Variants in SCARA5 observed in about 807,000 individuals in gnomAD.
SCARA5 encodes scavenger receptor class A member 5, also known as scavenger receptor class A, member 5 (putative).
Under a neutral mutation model 46.3 loss-of-function variants are expected in SCARA5, and 45 were observed. That is an observed-to-expected ratio of 0.97 (90% CI 0.76 to 1.24). The LOEUF (loss-of-function observed/expected upper bound fraction) is 1.24. Among genes scored for constraint, SCARA5 ranks in the 50% most tolerant of loss-of-function variants. SCARA5 has a pLI of 0.00. For synonymous variants in SCARA5, 333 were observed against 306.5 expected, an observed-to-expected ratio of 1.09 and a Z score of -0.90; for missense variants, 680 against 689.0, an observed-to-expected ratio of 0.99 and a Z score of 0.15.
At chr8:27,989,639 G>A (rs1172560581) in intron 1 of SCARA5, among the ~76,000 whole-genome samples, 2 of 152,196 alleles carry the variant, frequency 1.3e-5, no homozygotes, top group African/African-American at 2.4e-5. Flanking sequence ...CAGTATCTGC[G>A]GGCCTCTCCT....
Position 27,922,034 on chromosome 8 carries a change from G to C in SCARA5, c.453C>G (p.Gly151=), listed in dbSNP as rs181229251. 6.4e-7 allele frequency: 1 copy of C among 1,572,604 alleles called. No homozygotes were observed. Among genetic ancestry groups the C allele is most frequent in the Non-Finnish European group, 8.6e-7 (1 of 1,165,654 alleles). The part of the protein sequence containing the change: ...ALAGAVQRLE[G]ALWGLQAQAV... ...CCTGCGCCTGCAGCCCCCACAGCGC[G>C]CCCTCCAGCCGCTGCACTGCGCCCG... Residue 151 remains glycine (G), a synonymous_variant, in exon 4 of 9, where the codon GGC becomes GGG. Coordinates refer to ENST00000354914, the MANE Select transcript of SCARA5 (RefSeq NM_173833.6).
chr8:27,955,100 T>G (rs1433242126), intron 3 of SCARA5, among the ~76,000 whole-genome samples: 1 of 152,140 alleles, frequency 6.6e-6, no homozygotes, highest in Non-Finnish European at 1.5e-5. Flanking sequence ...CTGACACCAT[T>G]GTCACTGCCC....
At chr8:27,878,654 A>C (rs1481644614) in intron 8 of SCARA5, among the ~76,000 whole-genome samples, 1 of 152,260 alleles carries the variant, frequency 6.6e-6, no homozygotes, top group Admixed American at 6.5e-5. Flanking sequence ...AGACTCAGAG[A>C]GGCAGAGACA....
intron 8 of SCARA5, among the ~76,000 whole-genome samples, chr8:27,873,008 C>T (rs944441234): frequency 1.3e-5 from 2 of 152,220 alleles, no homozygotes; most frequent in Non-Finnish European, 2.9e-5. Context: ...TGCCAGCAAA[C>T]TCTCTCTGCT....
At chr8:27,950,879 G>GAAAA (rs766482225) in intron 3 of SCARA5, among the ~76,000 whole-genome samples, 1 of 140,998 alleles carries the variant, frequency 7.1e-6, no homozygotes, top group Non-Finnish European at 1.5e-5. Flanking sequence ...AGCTTTATGG[G>GAAAA]AAAAAAAAAA....
At chr8:27,892,606 CTT>C (rs1230257718) in intron 7 of SCARA5, among the ~76,000 whole-genome samples, 14 of 127,026 alleles carry the variant, frequency 1.1e-4, no homozygotes, top group African/African-American at 2.6e-4. Context: ...ATACCTCACC[CTT>C]TTTTTTTTTT....
intron 3 of SCARA5, among the ~76,000 whole-genome samples, chr8:27,929,176 G>A (rs932977151): frequency 2.0e-5 from 3 of 152,058 alleles, no homozygotes; most frequent in Admixed American, 6.6e-5. Context: ...TGCAGGCCCC[G>A]GCCTGAGCTA....
rs557941266 is a variant in SCARA5 at position 27,992,090 on chromosome 8, G to A, written c.-16+167C>T. On this transcript the variant is annotated intron_variant, in intron 1 of 8. Coordinates refer to ENST00000354914, the MANE Select transcript of SCARA5 (RefSeq NM_173833.6). Reference sequence around the variant, plus strand: ...GGATGAGGGCCCGGCAGATATCTGCGGGCCCAGCAGGCGGGGACCTTCCCA... The same window carrying A: ...GGATGAGGGCCCGGCAGATATCTGCAGGCCCAGCAGGCGGGGACCTTCCCA... Among the ~76,000 whole-genome samples the A allele has an allele frequency of 8.5e-5, 13 of 152,204 alleles. No individual in the cohort carries two copies. The East Asian group carries it at 1.5e-3, about 18-fold the overall frequency.
chr8:27,981,970 C>T (rs773178363), intron 2 of SCARA5, among the ~76,000 whole-genome samples: 17 of 152,254 alleles, frequency 1.1e-4, no homozygotes, highest in South Asian at 2.1e-4. Flanking sequence ...CCCTCAGCTG[C>T]GCCAAGTGAA....
At chr8:27,956,719 G>T (rs1808213030) in intron 3 of SCARA5, among the ~76,000 whole-genome samples, 1 of 152,190 alleles carries the variant, frequency 6.6e-6, no homozygotes, top group Admixed American at 6.5e-5. Context: ...CTGCCAGTCA[G>T]TATGATCCTC....
At chr8:27,912,061 G>T (rs1441518236) in intron 4 of SCARA5, among the ~76,000 whole-genome samples, 1 of 152,126 alleles carries the variant, frequency 6.6e-6, no homozygotes, top group Non-Finnish European at 1.5e-5. Context: ...AGGGAACGTG[G>T]CCCTGTGGAT....
Position 27,981,476 on chromosome 8 carries a change from G to A in SCARA5, c.112+6028C>T, listed in dbSNP as rs548875235. The stretch of plus-strand genomic sequence containing the variant: ...TGGGTGACTCCACAGGGCAGAAGCC[G>A]GAGGAGTAAGTGCTCCAGCTTCCCT... On this transcript the variant is annotated intron_variant, in intron 2 of 8. Coordinates refer to ENST00000354914, the MANE Select transcript of SCARA5 (RefSeq NM_173833.6). Among the ~76,000 whole-genome samples the A allele has an allele frequency of 2.0e-4, 30 of 152,328 alleles. No individual in the cohort carries two copies. The East Asian group carries it at 4.1e-3, about 21-fold the overall frequency.
At chr8:27,890,106 T>C (rs1360311912) in intron 7 of SCARA5, among the ~76,000 whole-genome samples, 2 of 152,202 alleles carry the variant, frequency 1.3e-5, no homozygotes, top group African/African-American at 2.4e-5. Context: ...CTCACTCAAA[T>C]GAACTAAGAG....
In SCARA5 at chr8:27,921,625, G is replaced by A. The variant is rs1335520712; in HGVS notation, c.862C>T (p.Arg288Cys). ...AMLNAVTEDLRLKDWEHSIAL... is the reference protein window; with the variant it reads ...AMLNAVTEDLCLKDWEHSIAL... ...ATGGAGTGCTCCCAGTCCTTGAGGC[G>A]CAGGTCCTCGGTGACCGCGTTGAGC... The change falls in exon 4 of 9, where the codon CGC becomes TGC. Residue 288 changes from arginine to cysteine, a missense_variant. By Grantham distance (180) the Arg-to-Cys change is radical. Around this residue, in one of 3 missense-constraint regions of SCARA5, gnomAD observed 438 missense variants for 384.5 expected, o/e 1.14. Transcript: ENST00000354914. 4 of 1,597,464 alleles carry A rather than the reference G, an allele frequency of 2.5e-6. No individual in the cohort carries two copies. The highest frequency in any genetic ancestry group is 2.6e-6 in the Non-Finnish European group (3 of 1,170,674).
At chr8:27,980,934 C>T (rs991694154) in intron 2 of SCARA5, among the ~76,000 whole-genome samples, 1 of 152,110 alleles carries the variant, frequency 6.6e-6, no homozygotes, top group Non-Finnish European at 1.5e-5. Context: ...GGCCAGGGTC[C>T]CTGAGAAGGG....
intron 3 of SCARA5, among the ~76,000 whole-genome samples, chr8:27,923,724 T>G (rs888318526): frequency 6.6e-6 from 1 of 152,068 alleles, no homozygotes; most frequent in Non-Finnish European, 1.5e-5. Flanking sequence ...TACAGGTGCA[T>G]GCCACCACTC....
chr8:27,969,874 T>C (rs9650426), intron 2 of SCARA5, among the ~76,000 whole-genome samples: 37,890 of 152,052 alleles, frequency 0.25, 5,211 homozygotes, highest in Middle Eastern at 0.36. Flanking sequence ...TTAAGGATTG[T>C]AGGGGTAAAA....
chr8:27,972,141 AC>A (rs1808455793), intron 2 of SCARA5, among the ~76,000 whole-genome samples: 1 of 151,900 alleles, frequency 6.6e-6, no homozygotes, highest in Non-Finnish European at 1.5e-5. Flanking sequence ...ACATGGTGAA[AC>A]CCCGTCTCTG....
Position 27,879,750 on chromosome 8 carries a change from C to A in SCARA5, c.1170G>T (p.Pro390=), listed in dbSNP as rs141850473. ...RAGDASGVEA[P]MMIRLVNGSG... is the part of the protein sequence containing the mutation. ...AGCCATTCACCAGGCGGATCATCAT[C>A]GGGGCCTCCACGCCACCTGCCGGAG... The change falls in exon 8 of 9, where the codon CCG becomes CCT. Residue 390 remains proline (P), a synonymous_variant. Transcript: ENST00000354914. 1.2e-6 allele frequency: 2 copies of A among 1,612,858 alleles called. No homozygotes were observed. Among genetic ancestry groups the A allele is most frequent in the Admixed American group, 3.3e-5 (2 of 60,002 alleles).
Sources: gnomAD v4.1 joint callset for allele counts (sites outside exome capture counted in the v4.1 genomes callset) on GRCh38, gnomAD v4.1.1 for gene constraint, gnomAD v4.1.1 regional missense constraint, MANE v1.5 for transcripts, NCBI Gene and HGNC (gene_info 2026-07-23, HGNC 2026-07-21) for gene names.